Variants in FAM120B observed in about 807,000 individuals in gnomAD.
The protein encoded by FAM120B is constitutive coactivator of peroxisome proliferator-activated receptor gamma.
FAM120B carries 83 observed loss-of-function variants against 96.3 expected under a neutral mutation model. The ratio of observed to expected loss-of-function variants is 0.86; its 90% CI spans 0.72 to 1.03. The LOEUF is 1.03. FAM120B is among the 50% of genes least tolerant of loss of function. The pLI is 0.00. For synonymous variants in FAM120B, 407 were observed against 402.7 expected (o/e 1.01, Z -0.13); for missense variants, 1,027 against 1,121.2 (o/e 0.92, Z 1.20).
rs746893702 is a variant in FAM120B, at chr6:170,318,029, G to A, written c.639G>A (p.Glu213=). The change falls in exon 2 of 11, where the codon GAG becomes GAA. Residue 213 remains glutamate (E), a synonymous_variant. Transcript: ENST00000476287. ...TVMLCREKLC[E]SLGLCVADLP... ...TGCTCTGCAGAGAGAAGCTCTGTGA[G>A]AGTCTGGGCCTCTGTGTGGCCGACC... is the stretch of plus-strand genomic sequence containing the variant. The A allele has an allele frequency of 1.9e-6, 3 of 1,613,938 alleles. No individual in the cohort carries two copies. The highest frequency in any genetic ancestry group is 2.7e-5 in the African/African-American group (2 of 74,940).
At chr6:170,402,088 A>G (rs1383619972) in intron 9 of FAM120B, among the ~76,000 whole-genome samples, 3 of 152,218 alleles carry the variant, frequency 2.0e-5, no homozygotes, top group Non-Finnish European at 4.4e-5. Flanking sequence ...CTGTGTTCCC[A>G]CTGCTGAGGG....
Position 170,388,306 on chromosome 6 carries a change from G to C in FAM120B, c.2303G>C (p.Arg768Thr). 6.2e-7 allele frequency: 1 copy of C among 1,613,906 alleles called. No individual in the cohort carries two copies. The highest frequency in any genetic ancestry group is 8.5e-7 in the Non-Finnish European group (1 of 1,180,040). Residue 768 changes from arginine to threonine, a missense_variant, in exon 7 of 11, where the codon AGA becomes ACA. Arg to Thr is a moderately conservative substitution (Grantham distance 71). Transcript: ENST00000476287. ...CCACAGCCTGATTACATCAACCCCAGAGCCGTGCAGCTGGGCTCCCTTCTC... is the reference window on the plus strand; with the variant it reads ...CCACAGCCTGATTACATCAACCCCACAGCCGTGCAGCTGGGCTCCCTTCTC... Reference protein sequence around the residue: ...VNLQPDYINPRAVQLGSLLVR... With the variant: ...VNLQPDYINPTAVQLGSLLVR...
intron 6 of FAM120B, among the ~76,000 whole-genome samples, chr6:170,359,965 C>T (rs529778884): frequency 1.1e-4 from 16 of 152,302 alleles, no homozygotes; most frequent in South Asian, 8.3e-4. Context: ...CCTGGCCTCC[C>T]TCCTGGGCCC....
At chr6:170,315,421 T>G (rs1015694324) in intron 1 of FAM120B, among the ~76,000 whole-genome samples, 1 of 152,220 alleles carries the variant, frequency 6.6e-6, no homozygotes, top group East Asian at 1.9e-4. Context: ...AGAATACCCT[T>G]TTTCAGAAAT....
At chr6:170,400,181 A>G (rs71554905) in intron 9 of FAM120B, among the ~76,000 whole-genome samples, 135 of 139,702 alleles carry the variant, frequency 9.7e-4, no homozygotes, top group East Asian at 4.0e-3. Flanking sequence ...GGAGTGAGTG[A>G]GGAAGGTAGA....
chr6:170,387,480 G>A (rs575001901), intron 6 of FAM120B, among the ~76,000 whole-genome samples: 43 of 152,234 alleles, frequency 2.8e-4, no homozygotes, highest in African/African-American at 1.0e-3. Context: ...GCTAGATATC[G>A]GTATCACTTT....
chr6:170,391,107 G>T lies in FAM120B; in HGVS notation c.2585G>T (p.Gly862Val). ...CGCATCACTGGCCGAGCCCACTGGG[G>T]CTCACACCACGCAGGTGGGAAAGGG... ...NRRITGRAHW[G>V]SHHAGRWGRQ... Residue 862 changes from glycine to valine, a missense_variant, in exon 8 of 11, where the codon GGC (glycine) becomes GTC (valine). By Grantham distance (109) the Gly-to-Val change is moderately radical (BLOSUM62 -3). Coordinates refer to ENST00000476287, the MANE Select transcript of FAM120B (RefSeq NM_032448.3). 1.9e-6 allele frequency: 3 copies of T among 1,613,848 alleles called. No homozygotes were observed. The highest frequency in any genetic ancestry group is 2.5e-6 in the Non-Finnish European group (3 of 1,179,754).
upstream of FAM120B, among the ~76,000 whole-genome samples, chr6:170,295,163 C>G (rs953964839): frequency 6.6e-6 from 1 of 152,230 alleles, no homozygotes; most frequent in African/African-American, 2.4e-5. The surrounding 1 kb of genome is among the most constrained non-coding windows in gnomAD (Gnocchi z 7.8). Context: ...GGCGAAGCCT[C>G]TGTGTCCTGG....
intron 8 of FAM120B, among the ~76,000 whole-genome samples, chr6:170,392,635 G>A (rs1790535858): frequency 6.6e-6 from 1 of 152,100 alleles, no homozygotes; most frequent in Admixed American, 6.5e-5. Context: ...TATTTTTCTT[G>A]ATGGAATAGG....
At chr6:170,291,214 C>T, upstream of FAM120B, 1 of 628,718 alleles carries the variant, frequency 1.6e-6, no homozygotes, top group East Asian at 2.9e-5. Flanking sequence ...GCAAAATGTT[C>T]ACCGCAAGAA....
chr6:170,321,627 G>A (rs947253417), intron 2 of FAM120B, among the ~76,000 whole-genome samples: 2 of 152,018 alleles, frequency 1.3e-5, no homozygotes, highest in Admixed American at 1.3e-4. Flanking sequence ...GATCCACCTC[G>A]ACCTCCCAAA....
intron 4 of FAM120B, among the ~76,000 whole-genome samples, chr6:170,344,916 T>G (rs924922502): frequency 1.3e-5 from 2 of 152,210 alleles, no homozygotes; most frequent in African/African-American, 4.8e-5. Context: ...CTACCCCCTC[T>G]TCAAATCTCA....
At chr6:170,349,224 G>A (rs1787417750) in intron 5 of FAM120B, among the ~76,000 whole-genome samples, 1 of 152,182 alleles carries the variant, frequency 6.6e-6, no homozygotes, top group East Asian at 1.9e-4. Flanking sequence ...TCTTCAGGCT[G>A]TTGAGATGTC....
chr6:170,352,343 C>T (rs1787633871), intron 5 of FAM120B, among the ~76,000 whole-genome samples: 1 of 152,192 alleles, frequency 6.6e-6, no homozygotes, highest in East Asian at 1.9e-4. Flanking sequence ...GAGACTTTAA[C>T]ACCCAACTGA....
intron 9 of FAM120B, among the ~76,000 whole-genome samples, chr6:170,400,562 C>A (rs1778514160): frequency 6.6e-6 from 1 of 152,148 alleles, no homozygotes; most frequent in African/African-American, 2.4e-5. Flanking sequence ...CACTGGGCTG[C>A]TCCCTGGCTT....
chr6:170,336,813 T>C (rs1436832181), intron 4 of FAM120B, among the ~76,000 whole-genome samples: 1 of 152,216 alleles, frequency 6.6e-6, no homozygotes, highest in Non-Finnish European at 1.5e-5. Flanking sequence ...GGGAGTTCAC[T>C]CATGATTTGG....
intron 4 of FAM120B, among the ~76,000 whole-genome samples, chr6:170,331,786 G>A (rs1046013456): frequency 2.0e-5 from 3 of 152,178 alleles, no homozygotes; most frequent in African/African-American, 7.2e-5. Flanking sequence ...ATAAGTATTA[G>A]AGAGACTACT....
At chr6:170,381,385 C>T (rs562736726) in intron 6 of FAM120B, among the ~76,000 whole-genome samples, 7 of 152,108 alleles carry the variant, frequency 4.6e-5, no homozygotes, top group South Asian at 2.1e-4. Flanking sequence ...AAATTGAATC[C>T]GTAGTTTGCA....
chr6:170,358,046 A>ATG (rs202202374), intron 5 of FAM120B, among the ~76,000 whole-genome samples, 180 bp from the exon 6 acceptor site: 1 of 151,724 alleles, frequency 6.6e-6, no homozygotes, highest in African/African-American at 2.4e-5. Context: ...GCGTGTACCC[A>ATG]TGTGTGTGCA....
Sources: allele counts gnomAD v4.1 joint callset (sites outside exome capture counted in the v4.1 genomes callset), GRCh38; gene constraint gnomAD v4.1.1; non-coding constraint Gnocchi (gnomAD v3.1); transcripts MANE v1.5; gene names NCBI Gene and HGNC (gene_info 2026-07-23, HGNC 2026-07-21).